Variants in MOB3B observed in about 807,000 individuals in gnomAD.
The protein encoded by MOB3B is MOB kinase activator-like 2B.
MOB3B carries 7 observed loss-of-function variants against 18.7 expected under a neutral mutation model. The observed-to-expected ratio is 0.37, with a 90% confidence interval of 0.21 to 0.70. MOB3B has a LOEUF of 0.70. MOB3B is among the 30% of genes least tolerant of loss of function. MOB3B has a pLI of 0.52. For synonymous variants in MOB3B, 111 were observed against 99.9 expected, an observed-to-expected ratio of 1.11 and a Z score of -0.66; for missense variants, 253 against 281.3, an observed-to-expected ratio of 0.90 and a Z score of 0.72.
chr9:27,436,523 G>T (rs1038300172), intron 2 of MOB3B, among the ~76,000 whole-genome samples: 1 of 152,180 alleles, frequency 6.6e-6, no homozygotes, highest in East Asian at 1.9e-4. Flanking sequence ...ACAAATATTT[G>T]CTGACTGTCT....
chr9:27,445,544 A>G (rs1412751446), intron 2 of MOB3B, among the ~76,000 whole-genome samples: 1 of 152,218 alleles, frequency 6.6e-6, no homozygotes, highest in African/African-American at 2.4e-5. Flanking sequence ...CTTCAAAAAC[A>G]TGGGAAGACA....
intron 1 of MOB3B, among the ~76,000 whole-genome samples, chr9:27,476,183 G>A (rs1819550538): frequency 6.6e-6 from 1 of 152,284 alleles, no homozygotes; most frequent in Non-Finnish European, 1.5e-5. Flanking sequence ...CTTCAAGGCT[G>A]TATTAGTTTG....
At chr9:27,441,785 A>G (rs868678286) in intron 2 of MOB3B, among the ~76,000 whole-genome samples, 6 of 152,288 alleles carry the variant, frequency 3.9e-5, no homozygotes, top group Middle Eastern at 3.4e-3. Flanking sequence ...TCTTGTTTCA[A>G]CCAACATAGT....
intron 2 of MOB3B, among the ~76,000 whole-genome samples, chr9:27,368,353 T>TACACACAC (rs138287792): frequency 0.029 from 4,227 of 145,934 alleles, 82 homozygotes; most frequent in Middle Eastern, 0.076. Flanking sequence ...CACACATACA[T>TACACACAC]ACACACACAC....
intron 3 of MOB3B, among the ~76,000 whole-genome samples, chr9:27,339,110 G>A (rs1820904860): frequency 6.6e-6 from 1 of 152,184 alleles, no homozygotes. Context: ...CTAGGCTCAG[G>A]GGACTTCGTT....
intron 3 of MOB3B, among the ~76,000 whole-genome samples, chr9:27,343,617 G>A (rs944698525): frequency 1.3e-5 from 2 of 149,998 alleles, no homozygotes; most frequent in African/African-American, 4.9e-5. Flanking sequence ...TACAGGAAAT[G>A]TACTTAATAA....
At chr9:27,340,178 C>T (rs1238822817) in intron 3 of MOB3B, among the ~76,000 whole-genome samples, 5 of 152,148 alleles carry the variant, frequency 3.3e-5, no homozygotes, top group South Asian at 4.1e-4. Flanking sequence ...ACACGGAGGG[C>T]GTTTCCACGA....
At chr9:27,402,493 A>T (rs936446579) in intron 2 of MOB3B, among the ~76,000 whole-genome samples, 4 of 152,210 alleles carry the variant, frequency 2.6e-5, no homozygotes, top group Admixed American at 2.0e-4. Context: ...TAGACAATAC[A>T]GTCCTTTATC....
chr9:27,387,917 A>G (rs1821669867), intron 2 of MOB3B, among the ~76,000 whole-genome samples: 2 of 152,122 alleles, frequency 1.3e-5, no homozygotes, highest in African/African-American at 4.8e-5. Flanking sequence ...TCTTACAGCC[A>G]TGTTTCTCAA....
At chr9:27,440,832 G>A (rs946759017) in intron 2 of MOB3B, among the ~76,000 whole-genome samples, 1 of 152,042 alleles carries the variant, frequency 6.6e-6, no homozygotes, top group Non-Finnish European at 1.5e-5. Flanking sequence ...AATGCCATCA[G>A]TACTGGTGGG....
At chr9:27,387,847 T>A (rs1273871509) in intron 2 of MOB3B, among the ~76,000 whole-genome samples, 1 of 152,136 alleles carries the variant, frequency 6.6e-6, no homozygotes, top group Non-Finnish European at 1.5e-5. Flanking sequence ...GTACATTAAA[T>A]GGAGAAGAGA....
At chr9:27,439,848 A>G (rs1048269610) in intron 2 of MOB3B, among the ~76,000 whole-genome samples, 15 of 152,112 alleles carry the variant, frequency 9.9e-5, no homozygotes, top group African/African-American at 3.6e-4. Context: ...ATAAGCTGTG[A>G]CCTGTGCAAC....
chr9:27,332,659 G>A (rs745512407), intron 3 of MOB3B, among the ~76,000 whole-genome samples: 7 of 152,170 alleles, frequency 4.6e-5, no homozygotes, highest in Non-Finnish European at 8.8e-5. Flanking sequence ...AACAGTAACC[G>A]CTGCTTTTAT....
chr9:27,456,997 G>A (rs916903116), intron 1 of MOB3B, among the ~76,000 whole-genome samples: 2 of 152,106 alleles, frequency 1.3e-5, no homozygotes, highest in Admixed American at 6.5e-5. Flanking sequence ...ATTTATAATA[G>A]GTCTAATAGA....
At chr9:27,516,332 T>G (rs17696478) in intron 1 of MOB3B, among the ~76,000 whole-genome samples, 4,935 of 152,262 alleles carry the variant, frequency 0.032, 107 homozygotes, top group Middle Eastern at 0.065. Context: ...CCAGGCAAAC[T>G]TGCAGTCCAA....
intron 2 of MOB3B, among the ~76,000 whole-genome samples, chr9:27,432,008 A>T (rs1432323085): frequency 6.6e-6 from 1 of 152,240 alleles, no homozygotes; most frequent in South Asian, 2.1e-4. Context: ...AAACAGTCCA[A>T]CATCCATTAG....
chr9:27,476,081 C>T (rs540649986), intron 1 of MOB3B, among the ~76,000 whole-genome samples: 17 of 152,330 alleles, frequency 1.1e-4, no homozygotes, highest in African/African-American at 3.6e-4. Flanking sequence ...CCCCTGGATA[C>T]CTCTCCTTCC....
chr9:27,449,868 C>T (rs978151139), intron 2 of MOB3B, among the ~76,000 whole-genome samples: 1 of 151,860 alleles, frequency 6.6e-6, no homozygotes, highest in Non-Finnish European at 1.5e-5. Flanking sequence ...ACCCCAGCTA[C>T]TCAGGGGACT....
intron 1 of MOB3B, among the ~76,000 whole-genome samples, chr9:27,466,343 G>T (rs1310498477): frequency 6.6e-6 from 1 of 152,146 alleles, no homozygotes; most frequent in African/African-American, 2.4e-5. Context: ...ACTTCAGCCT[G>T]GACCTTATTG....
Sources: gnomAD v4.1 joint callset for allele counts (sites outside exome capture counted in the v4.1 genomes callset) on GRCh38, gnomAD v4.1.1 for gene constraint, MANE v1.5 for transcripts, NCBI Gene and HGNC (gene_info 2026-07-23, HGNC 2026-07-21) for gene names.